NFAT5: variants seen among roughly 807,000 people sequenced by gnomAD.
The protein encoded by NFAT5 is nuclear factor of activated T cells 5, also known as nuclear factor of activated T-cells 5.
In NFAT5, 31 loss-of-function variants were observed where a neutral mutation model predicts 166.5. The ratio of observed to expected loss-of-function variants is 0.19; its 90% CI spans 0.14 to 0.25. NFAT5 has a LOEUF of 0.25. Among genes scored for constraint, NFAT5 ranks in the 10% least tolerant of loss-of-function variants. NFAT5 has a pLI of 1.00. For synonymous variants in NFAT5, 612 were observed against 639.7 expected (o/e 0.96, Z 0.65); for missense variants, 1,449 against 1,821.8 (o/e 0.80, Z 3.72).
At chr16:69,623,969 T>C (rs1176873939) in intron 2 of NFAT5, among the ~76,000 whole-genome samples, 1 of 151,832 alleles carries the variant, frequency 6.6e-6, no homozygotes, top group African/African-American at 2.4e-5. Context: ...CAGGCTAGTC[T>C]CGAACTCTTG....
chr16:69,645,484 A>G (rs1373548640), intron 3 of NFAT5, among the ~76,000 whole-genome samples: 1 of 152,182 alleles, frequency 6.6e-6, no homozygotes, highest in East Asian at 1.9e-4. Context: ...CTTGACAGTA[A>G]TGAAGAATTC....
At chr16:69,681,063 G>A (rs2037040506) in intron 10 of NFAT5, among the ~76,000 whole-genome samples, 1 of 152,008 alleles carries the variant, frequency 6.6e-6, no homozygotes, top group African/African-American at 2.4e-5. Context: ...GTACTTTTTT[G>A]TATTTTATGA....
intron 2 of NFAT5, among the ~76,000 whole-genome samples, chr16:69,596,696 C>T (rs3926183): frequency 0.17 from 23,823 of 143,310 alleles, 2,085 homozygotes; most frequent in East Asian, 0.37. Flanking sequence ...CTAGCCTGGG[C>T]GACAGAGCAA....
chr16:69,684,866 C>T, intron 10 of NFAT5, 21 bp from the exon 11 acceptor site: 2 of 1,521,726 alleles, frequency 1.3e-6, no homozygotes, highest in Non-Finnish European at 9.0e-7. Flanking sequence ...TAGATAAATA[C>T]ATTAATCTTT....
chr16:69,666,865 A>G (rs1380941255), intron 7 of NFAT5, among the ~76,000 whole-genome samples: 1 of 152,146 alleles, frequency 6.6e-6, no homozygotes, highest in African/African-American at 2.4e-5. Context: ...ATAAAGATAC[A>G]TGCACACATA....
rs946802099 is a variant in NFAT5 at position 69,588,204 on chromosome 16, C to T, written c.127+19656C>T. On this transcript the variant is annotated intron_variant, in intron 2 of 14. Transcript: ENST00000349945. ...TGACCTCGTGATCCACCTGCCTCGGCCTCCCAAAGTGCTGGAATTACAGGC... is the reference window on the plus strand; with the variant it reads ...TGACCTCGTGATCCACCTGCCTCGGTCTCCCAAAGTGCTGGAATTACAGGC... Among the ~76,000 whole-genome samples, 3 of 152,142 alleles carry T rather than the reference C, an allele frequency of 2.0e-5. No individual in the cohort carries two copies. In the South Asian group the frequency reaches 6.2e-4, roughly 32 times the overall value.
intron 2 of NFAT5, among the ~76,000 whole-genome samples, chr16:69,578,693 A>T (rs1473853343): frequency 6.6e-6 from 1 of 152,182 alleles, no homozygotes; most frequent in Non-Finnish European, 1.5e-5. Flanking sequence ...GTTTATAAGT[A>T]GCAACTTGTT....
chr16:69,612,681 A>G (rs1597398520), intron 2 of NFAT5, among the ~76,000 whole-genome samples: 1 of 151,724 alleles, frequency 6.6e-6, no homozygotes, highest in East Asian at 1.9e-4. Context: ...CCCTGTCTCT[A>G]TAAAGCACAT....
chr16:69,577,493 C>T (rs367604429), intron 2 of NFAT5, among the ~76,000 whole-genome samples: 20 of 152,194 alleles, frequency 1.3e-4, no homozygotes, highest in East Asian at 9.6e-4. Context: ...TTTAAAAATA[C>T]TGTGTTCCCT....
intron 5 of NFAT5, among the ~76,000 whole-genome samples, chr16:69,654,674 T>C (rs2035809528): frequency 6.6e-6 from 1 of 152,220 alleles, no homozygotes; most frequent in Admixed American, 6.5e-5. Context: ...AAAAGTTTGT[T>C]TAGTCATTCA....
chr16:69,680,214 A>G (rs1567601883), intron 10 of NFAT5, among the ~76,000 whole-genome samples: 1 of 152,242 alleles, frequency 6.6e-6, no homozygotes, highest in Non-Finnish European at 1.5e-5. Flanking sequence ...AGCTTGCACA[A>G]ACATGAGAAG....
Position 69,703,192 on chromosome 16 carries a change from ATATTTG to A in NFAT5, c.*6845_*6850del, listed in dbSNP as rs1276045732. The A allele has an allele frequency of 6.6e-6, 1 of 152,594 alleles. No homozygotes were observed. The highest frequency in any genetic ancestry group is 1.9e-4 in the East Asian group (1 of 5,200). The allele number at this position is 152,594 out of a possible 1,614,324, so 9.5% of individuals were successfully genotyped here. A position where few individuals can be genotyped will look rare whatever the true frequency, so the allele number is the denominator to read the frequency against. On this transcript the variant is annotated 3_prime_UTR_variant, in exon 15 of 15. Transcript: ENST00000349945. ...AACAAAATCATCATTCCTTGTATTT[ATATTTG>A]TATCTGAGATAGTAAACAAGATGGC...
intron 10 of NFAT5, among the ~76,000 whole-genome samples, chr16:69,680,668 C>T (rs954995324): frequency 6.6e-6 from 1 of 152,186 alleles, no homozygotes; most frequent in Admixed American, 6.5e-5. Context: ...GGTATGCAAA[C>T]TTTGTAATAC....
In NFAT5 at chr16:69,609,867, T is replaced by C. The variant is rs909626975; in HGVS notation, c.128-16536T>C. ...GAAAAAAGAAAATATTAGCTGGACA[T>C]GGTGGCATGAGCCTGTAGGCCCAGC... On this transcript the variant is annotated intron_variant, in intron 2 of 14. Coordinates refer to ENST00000349945, the MANE Select transcript of NFAT5 (RefSeq NM_138713.4). 4.4e-4 allele frequency among the ~76,000 whole-genome samples: 65 copies of C among 146,466 alleles called. 1 individual carries two copies. The highest frequency in any genetic ancestry group is 8.9e-5 in the Non-Finnish European group (6 of 67,046).
chr16:69,631,242 C>T (rs1025438584), intron 3 of NFAT5, among the ~76,000 whole-genome samples: 24 of 152,070 alleles, frequency 1.6e-4, no homozygotes, highest in Non-Finnish European at 2.8e-4. Flanking sequence ...ACCAGCCTGG[C>T]CAAGATGGTG....
At chr16:69,685,649 T>C (rs1423310503) in intron 11 of NFAT5, 1 of 152,082 alleles carries the variant, frequency 6.6e-6, no homozygotes, top group African/African-American at 2.4e-5. Flanking sequence ...GTCCAGAAAT[T>C]TGAGATGATA....
chr16:69,673,676 T>C (rs1453666908), intron 9 of NFAT5, among the ~76,000 whole-genome samples: 2 of 152,000 alleles, frequency 1.3e-5, no homozygotes, highest in East Asian at 3.9e-4. Flanking sequence ...TGAGCCCTGA[T>C]TCCGCCACTG....
At chr16:69,677,088 C>CTTTTTTTTTTT in intron 9 of NFAT5, 115 bp from the exon 10 acceptor site, 1 of 918,360 alleles carries the variant, frequency 1.1e-6, no homozygotes, top group Non-Finnish European at 1.6e-6. Flanking sequence ...AAAATGCATT[C>CTTTTTTTTTTT]TTTTTTTTTT....
chr16:69,598,348 A>G (rs1235656495), intron 2 of NFAT5, among the ~76,000 whole-genome samples: 1 of 150,496 alleles, frequency 6.6e-6, no homozygotes, highest in East Asian at 2.0e-4. Flanking sequence ...ACTGCACGCC[A>G]GCCTGGGTGA....
Sources: allele counts gnomAD v4.1 joint callset (sites outside exome capture counted in the v4.1 genomes callset), GRCh38; gene constraint gnomAD v4.1.1; transcripts MANE v1.5; gene names NCBI Gene and HGNC (gene_info 2026-07-23, HGNC 2026-07-21).